Variants in PAX7 observed in about 807,000 individuals in gnomAD.
PAX7 encodes paired box protein Pax-7.
In PAX7, 18 loss-of-function variants were observed where a neutral mutation model predicts 50.7. That is an observed-to-expected ratio of 0.36 (90% CI 0.25 to 0.53). PAX7 has a LOEUF of 0.53. Among genes scored for constraint, PAX7 ranks in the 20% least tolerant of loss-of-function variants. The pLI, the probability that PAX7 is intolerant of heterozygous loss-of-function variation, is 0.93. For synonymous variants in PAX7, 310 were observed against 290.4 expected (o/e 1.07, Z -0.69); for missense variants, 644 against 702.9 (o/e 0.92, Z 0.95).
chr1:18,743,398 C>T (rs543011438), intron 8 of PAX7, among the ~76,000 whole-genome samples: 1 of 152,332 alleles, frequency 6.6e-6, no homozygotes, highest in East Asian at 1.9e-4. Flanking sequence ...TCAGGCCGTG[C>T]GTATCACCTT....
intron 7 of PAX7, among the ~76,000 whole-genome samples, chr1:18,718,823 G>T (rs987073528): frequency 6.6e-6 from 1 of 151,920 alleles, no homozygotes; most frequent in African/African-American, 2.4e-5. Context: ...TGCATTTTTA[G>T]TAGAGACAGG....
intron 7 of PAX7, among the ~76,000 whole-genome samples, chr1:18,715,288 G>A (rs1279182899): frequency 3.3e-5 from 5 of 152,260 alleles, no homozygotes; most frequent in Middle Eastern, 3.4e-3. Flanking sequence ...TGCTTTCCCT[G>A]TGCAGTTACC....
At chr1:18,660,921 T>C (rs990024552) in intron 4 of PAX7, among the ~76,000 whole-genome samples, 1 of 152,154 alleles carries the variant, frequency 6.6e-6, no homozygotes, top group African/African-American at 2.4e-5. Flanking sequence ...GGCTGTAAAA[T>C]GGAGCAAAAG....
intron 7 of PAX7, among the ~76,000 whole-genome samples, chr1:18,716,870 C>T (rs1244026195): frequency 7.0e-6 from 1 of 142,008 alleles, no homozygotes; most frequent in Non-Finnish European, 1.5e-5. Context: ...CTCTCCCCCA[C>T]CCCCGTGTCC....
At position 18,734,469 on chromosome 1, in the gene PAX7, C is replaced by T. The variant is rs148622415; in HGVS notation, c.1156-1163C>T. On this transcript the variant is annotated intron_variant, in intron 7 of 8. Transcript: ENST00000420770. The stretch of plus-strand genomic sequence containing the variant: ...TCTCTCTCCTGCCCTCTCCCCTGCT[C>T]TGCTCTGAACTGACTGGGACACTGT... Among the ~76,000 whole-genome samples the T allele has an allele frequency of 3.5e-3, 526 of 152,230 alleles. 1 individual carries two copies. Among genetic ancestry groups the T allele is most frequent in the African/African-American group, 0.011 (472 of 41,532 alleles).
rs776608174 is a variant in PAX7 at position 18,691,976 on chromosome 1, G to A, written c.786+23G>A. The A allele has an allele frequency of 1.7e-5, 27 of 1,601,720 alleles. 1 individual carries two copies. The highest frequency in any genetic ancestry group is 1.3e-4 in the South Asian group (12 of 89,358). On this transcript the variant is annotated intron_variant, in intron 5 of 8. Transcript: ENST00000420770. ...CAGGTGAGGAGGCACCTGCGGTGTCGGTGCTGCAGATATACTCCAGAGATT... is the reference window on the plus strand; with the variant it reads ...CAGGTGAGGAGGCACCTGCGGTGTCAGTGCTGCAGATATACTCCAGAGATT...
At chr1:18,678,397 C>T (rs2088853863) in intron 4 of PAX7, among the ~76,000 whole-genome samples, 1 of 150,670 alleles carries the variant, frequency 6.6e-6, no homozygotes, top group Non-Finnish European at 1.5e-5. Context: ...AAAACTCTAT[C>T]TCAAAAATAA....
intron 8 of PAX7, 43 bp from the exon 9 acceptor site, chr1:18,744,771 A>C: frequency 8.2e-7 from 1 of 1,226,236 alleles, no homozygotes; most frequent in South Asian, 1.3e-5. Context: ...AAGAATAAAC[A>C]AAAAGAACCT....
intron 4 of PAX7, among the ~76,000 whole-genome samples, chr1:18,660,863 AATGGGCAC>A (rs1570136672): frequency 6.6e-6 from 1 of 152,140 alleles, no homozygotes; most frequent in Admixed American, 6.5e-5. Context: ...TTAGGGGAGA[AATGGGCAC>A]ATAAGGAGCT....
intron 8 of PAX7, among the ~76,000 whole-genome samples, chr1:18,737,830 C>T (rs926451216): frequency 1.3e-5 from 2 of 152,198 alleles, no homozygotes; most frequent in Admixed American, 6.5e-5. Flanking sequence ...CCATGTTTGG[C>T]ATAGGTATGC....
chr1:18,744,567 G>A (rs1931331532), intron 8 of PAX7, among the ~76,000 whole-genome samples: 2 of 150,580 alleles, frequency 1.3e-5, no homozygotes, highest in South Asian at 2.1e-4. Flanking sequence ...TGGAGGCATG[G>A]ATGCATGGAT....
chr1:18,640,241 G>T (rs1288044493), intron 4 of PAX7, among the ~76,000 whole-genome samples: 11 of 152,226 alleles, frequency 7.2e-5, no homozygotes, highest in Admixed American at 7.2e-4. Flanking sequence ...GTAAAAGGAG[G>T]TGGGAAACAA....
intron 8 of PAX7, among the ~76,000 whole-genome samples, chr1:18,738,550 C>T (rs1233633103): frequency 6.6e-6 from 1 of 152,048 alleles, no homozygotes; most frequent in Non-Finnish European, 1.5e-5. Context: ...CCCACCACCC[C>T]CTACTCCATT....
chr1:18,671,805 A>T (rs1006910066), intron 4 of PAX7, among the ~76,000 whole-genome samples: 1 of 86,626 alleles, frequency 1.2e-5, no homozygotes, highest in Non-Finnish European at 2.1e-5. Flanking sequence ...CTAACTCTAT[A>T]AAAAAAAAAA....
Position 18,691,476 on chromosome 1 carries a change from G to GT in PAX7, c.587-276dup, listed in dbSNP as rs2089068897. ...CCCAACCAGAGGGGACTGTTTTGTT[G>GT]TTGTTTGTTTGTTTGTTTTTCCCTA... On this transcript the variant is annotated intron_variant, in intron 4 of 8. Coordinates refer to ENST00000420770, the MANE Select transcript of PAX7 (RefSeq NM_001135254.2). 2.0e-5 allele frequency among the ~76,000 whole-genome samples: 3 copies of GT among 152,164 alleles called. No homozygotes were observed. In the South Asian group the frequency reaches 6.2e-4, roughly 32 times the overall value.
At chr1:18,678,095 A>T (rs1368136204) in intron 4 of PAX7, among the ~76,000 whole-genome samples, 2 of 149,504 alleles carry the variant, frequency 1.3e-5, no homozygotes, top group South Asian at 4.2e-4. Flanking sequence ...AAAAAAAAAA[A>T]AGAAAAAGAA....
chr1:18,715,766 TGAA>T (rs1231707817), intron 7 of PAX7, among the ~76,000 whole-genome samples: 2 of 152,154 alleles, frequency 1.3e-5, no homozygotes, highest in East Asian at 1.9e-4. Flanking sequence ...ATGCAAAGCA[TGAA>T]GAAGAACAGC....
chr1:18,725,719 G>A (rs539568507), intron 7 of PAX7, among the ~76,000 whole-genome samples: 199 of 152,238 alleles, frequency 1.3e-3, no homozygotes, highest in African/African-American at 4.6e-3. Context: ...TCGCCGCTCC[G>A]AGCAGAGTCA....
intron 4 of PAX7, among the ~76,000 whole-genome samples, chr1:18,665,788 G>T (rs774900367): frequency 2.1e-4 from 31 of 150,908 alleles, no homozygotes; most frequent in Non-Finnish European, 3.7e-4. Flanking sequence ...TCCTGCCTCA[G>T]CCTCCCCAGT....
Sources: allele counts gnomAD v4.1 joint callset (sites outside exome capture counted in the v4.1 genomes callset), GRCh38; gene constraint gnomAD v4.1.1; transcripts MANE v1.5; gene names NCBI Gene and HGNC (gene_info 2026-07-23, HGNC 2026-07-21).